Variants in CD109 observed in about 807,000 individuals in gnomAD.
CD109 encodes CD109 molecule.
CD109 carries 149 observed loss-of-function variants against 165.8 expected under a neutral mutation model. The ratio of observed to expected loss-of-function variants is 0.90; its 90% CI spans 0.79 to 1.03. The LOEUF is 1.03. CD109 is among the 50% of genes least tolerant of loss of function. The pLI, the probability that CD109 is intolerant of heterozygous loss-of-function variation, is 0.00. For synonymous variants in CD109, 585 were observed against 592.1 expected, an observed-to-expected ratio of 0.99 and a Z score of 0.18; for missense variants, 1,712 against 1,677.8, an observed-to-expected ratio of 1.02 and a Z score of -0.36.
At chr6:73,778,391 TTTTC>T (rs1296075791) in intron 15 of CD109, among the ~76,000 whole-genome samples, 1 of 152,202 alleles carries the variant, frequency 6.6e-6, no homozygotes, top group Non-Finnish European at 1.5e-5. Context: ...TTGTTTCATT[TTTTC>T]TTTCTTTCTT....
chr6:73,731,503 C>T (rs555742133), intron 4 of CD109, among the ~76,000 whole-genome samples: 1 of 152,240 alleles, frequency 6.6e-6, no homozygotes, highest in East Asian at 1.9e-4. Context: ...AGCCCCGGGG[C>T]GAGGGGACAG....
chr6:73,702,962 G>A (rs1423826983), intron 2 of CD109, among the ~76,000 whole-genome samples: 2 of 152,178 alleles, frequency 1.3e-5, no homozygotes, highest in African/African-American at 4.8e-5. Flanking sequence ...GGAGGGGATT[G>A]GAAGGGATTT....
At chr6:73,803,199 T>A (rs780099287) in intron 23 of CD109, 21 bp from the exon 24 acceptor site, 1 of 1,531,368 alleles carries the variant, frequency 6.5e-7, no homozygotes, top group Non-Finnish European at 9.0e-7. Flanking sequence ...ACTTTGACTA[T>A]CTGTCTATTT....
At chr6:73,743,692 G>A (rs747634021) in intron 5 of CD109, among the ~76,000 whole-genome samples, 8 of 152,176 alleles carry the variant, frequency 5.3e-5, no homozygotes, top group Non-Finnish European at 1.0e-4. Context: ...TCTACCAGGA[G>A]CATCTGCTTA....
intron 2 of CD109, among the ~76,000 whole-genome samples, chr6:73,707,962 TTATATATATATATATATATATA>T (rs200081535): frequency 0.11 from 14,176 of 126,740 alleles, 1,039 homozygotes; most frequent in Middle Eastern, 0.18. Flanking sequence ...ATTGTTATCT[TTATATATATATATATATATATA>T]TATATATATA....
At chr6:73,706,761 TG>T (rs1484940053) in intron 2 of CD109, among the ~76,000 whole-genome samples, 1 of 152,124 alleles carries the variant, frequency 6.6e-6, no homozygotes, top group Non-Finnish European at 1.5e-5. Flanking sequence ...AAAACCAGAC[TG>T]GTAAAGAGCT....
rs2917887 is a variant in CD109 at position 73,823,468 on chromosome 6, G to T, written c.4173G>T (p.Ala1391=). Residue 1391 remains alanine (A), a synonymous_variant, in exon 33 of 33, where the codon GCG becomes GCT. Transcript: ENST00000287097. ...IVDYYEPRRQ[A]VRSYNSEVKL... ...TGCTTCTTTGAACAGGGAGACAGGC[G>T]GTGAGAAGTTACAACTCTGAAGTGA... is the stretch of plus-strand genomic sequence containing the variant. The T allele has an allele frequency of 0.08, 128,103 of 1,607,218 alleles. 7,342 individuals are homozygous for T. The highest frequency in any genetic ancestry group is 0.27 in the African/African-American group (20,524 of 74,880).
At chr6:73,818,609 G>C in intron 31 of CD109, 74 bp downstream of exon 31, 1 of 1,394,590 alleles carries the variant, frequency 7.2e-7, no homozygotes, top group Non-Finnish European at 9.8e-7. Flanking sequence ...CTTACTTTAA[G>C]TATGTTTTCT....
chr6:73,788,750 C>A, intron 22 of CD109, 138 bp downstream of exon 22: 1 of 677,492 alleles, frequency 1.5e-6, no homozygotes, highest in Non-Finnish European at 2.4e-6. Flanking sequence ...CCCAACAACT[C>A]ATTATAATAT....
At chr6:73,709,128 T>G (rs1771423817) in intron 2 of CD109, among the ~76,000 whole-genome samples, 1 of 152,162 alleles carries the variant, frequency 6.6e-6, no homozygotes, top group Non-Finnish European at 1.5e-5. Flanking sequence ...GTTTTTATGG[T>G]TTTAGGTCTA....
intron 15 of CD109, among the ~76,000 whole-genome samples, chr6:73,777,227 T>C (rs1312951164): frequency 6.6e-6 from 1 of 152,124 alleles, no homozygotes; most frequent in African/African-American, 2.4e-5. Context: ...CCCAAAGTGC[T>C]GGGATTAGAG....
intron 2 of CD109, among the ~76,000 whole-genome samples, chr6:73,713,611 T>C (rs1250537641): frequency 6.6e-6 from 1 of 152,096 alleles, no homozygotes; most frequent in East Asian, 1.9e-4. Flanking sequence ...ACAGATAAGG[T>C]CATGTGTCTG....
At chr6:73,766,482 T>C (rs1266125187) in intron 11 of CD109, among the ~76,000 whole-genome samples, 1 of 148,926 alleles carries the variant, frequency 6.7e-6, no homozygotes, top group Admixed American at 6.8e-5. Flanking sequence ...AAGATAAATA[T>C]ATATACATAT....
chr6:73,811,211 T>G, intron 28 of CD109, 64 bp downstream of exon 28: 1 of 1,510,128 alleles, frequency 6.6e-7, no homozygotes, highest in Non-Finnish European at 9.0e-7. Context: ...GAATACTGCT[T>G]TATTTGTAAT....
rs1211329146 is a variant in CD109 at position 73,696,288 on chromosome 6, G to C, written c.73G>C (p.Gly25Arg). 1 of 1,519,190 alleles carries C rather than the reference G, an allele frequency of 6.6e-7. No homozygotes were observed. Among genetic ancestry groups the C allele is most frequent in the East Asian group, 2.6e-5 (1 of 38,320 alleles). The allele number at this position is 1,519,190 out of a possible 1,614,324, so 94.1% of individuals were successfully genotyped here. Residue 25 changes from glycine to arginine, a missense_variant and splice_region_variant, in exon 1 of 33, where the codon GGG becomes CGG. Transcript: ENST00000287097. ...VCTAALAVAP[G>R]PRFLVTAPGI... ...CACCGCCGCGCTGGCCGTGGCTCCC[G>C]GGTAGGAACGTGGGCGCGCGGGGGG... is the stretch of plus-strand genomic sequence containing the variant.
intron 15 of CD109, 111 bp downstream of exon 15, chr6:73,771,692 G>T: frequency 1.6e-6 from 1 of 640,076 alleles, no homozygotes. Context: ...CTTTGCATGT[G>T]TAAGTCAATA....
intron 5 of CD109, among the ~76,000 whole-genome samples, chr6:73,741,470 A>G (rs1291519278): frequency 6.6e-6 from 1 of 152,242 alleles, no homozygotes; most frequent in Non-Finnish European, 1.5e-5. Context: ...TAGGTACATT[A>G]TAAGTTGAGT....
chr6:73,792,775 GA>G lies in CD109; in HGVS notation c.2856del (p.Ala953LeufsTer5). 6.2e-7 allele frequency: 1 copy of G among 1,608,978 alleles called. No individual in the cohort carries two copies. Among genetic ancestry groups the G allele is most frequent in the South Asian group, 1.1e-5 (1 of 90,436 alleles). ...KKKQLTDNLKEKALSFMRQGY... is the reference protein window; with the variant it reads ...KKKQLTDNLKXKALSFMRQGY... ...GAAACAACTGACAGATAATTTGAAA[GA>G]AAAAGCTCTTTCATTTATGAGGCAA... On this transcript the variant is annotated frameshift_variant, in exon 23 of 33. Coordinates refer to ENST00000287097, the MANE Select transcript of CD109 (RefSeq NM_133493.5). LOFTEE classifies it high-confidence loss of function.
intron 7 of CD109, among the ~76,000 whole-genome samples, 171 bp from the exon 8 acceptor site, chr6:73,762,213 G>A (rs550455085): frequency 6.6e-6 from 1 of 152,042 alleles, no homozygotes; most frequent in Non-Finnish European, 1.5e-5. Flanking sequence ...CACCCGCCTC[G>A]GCCTCCCAAA....
Sources: gnomAD v4.1 joint callset for allele counts (sites outside exome capture counted in the v4.1 genomes callset) on GRCh38, gnomAD v4.1.1 for gene constraint, MANE v1.5 for transcripts, NCBI Gene and HGNC (gene_info 2026-07-23, HGNC 2026-07-21) for gene names.